The following NRG1 variants were observed in gnomAD, a reference collection of about 807,000 sequenced individuals.
The protein encoded by NRG1 is neuregulin 1.
In NRG1, 18 loss-of-function variants were observed where a neutral mutation model predicts 63.8. That is an observed-to-expected ratio of 0.28 (90% CI 0.19 to 0.42). NRG1 has a LOEUF of 0.42. Ranked by LOEUF, NRG1 falls within the 10% of genes least tolerant of loss-of-function variation. The pLI, the probability that NRG1 is intolerant of heterozygous loss-of-function variation, is 1.00. For synonymous variants in NRG1, 302 were observed against 301.3 expected, an observed-to-expected ratio of 1.00 and a Z score of -0.02; for missense variants, 762 against 814.7, an observed-to-expected ratio of 0.94 and a Z score of 0.79.
intron 11 of NRG1, chr8:32,763,356 G>A: frequency 4.3e-6 from 7 of 1,613,730 alleles, no homozygotes; most frequent in Non-Finnish European, 5.9e-6. Context: ...TGGCCTTTAG[G>A]AAGGTATAGT....
chr8:32,250,477 T>C (rs894641598), intron 1 of NRG1, among the ~76,000 whole-genome samples: 5 of 152,186 alleles, frequency 3.3e-5, no homozygotes, highest in African/African-American at 1.2e-4. Flanking sequence ...AATAGTTTAA[T>C]GATTTTCATA....
chr8:32,709,814 A>G (rs1037627754), intron 5 of NRG1, among the ~76,000 whole-genome samples: 1 of 152,196 alleles, frequency 6.6e-6, no homozygotes, highest in Non-Finnish European at 1.5e-5. Flanking sequence ...AAGGCTTGGC[A>G]TAGTCAATTG....
At chr8:32,398,189 T>C (rs188510040) in intron 1 of NRG1, among the ~76,000 whole-genome samples, 1,755 of 140,674 alleles carry the variant, frequency 0.012, 20 homozygotes, top group Non-Finnish European at 0.02. Context: ...GGAGTAAAAT[T>C]ATAATCTCCA....
At chr8:32,582,219 TC>T (rs1182852770) in intron 1 of NRG1, among the ~76,000 whole-genome samples, 5 of 152,084 alleles carry the variant, frequency 3.3e-5, no homozygotes, top group African/African-American at 1.2e-4. Flanking sequence ...CATCTCAGCC[TC>T]CGGAGTAGCT....
intron 1 of NRG1, among the ~76,000 whole-genome samples, chr8:32,322,854 TTC>T (rs1482250514): frequency 1.0e-5 from 1 of 100,308 alleles, no homozygotes; most frequent in Non-Finnish European, 2.1e-5. Context: ...ATAATAGCAA[TTC>T]TCTGGGTTTT....
intron 1 of NRG1, among the ~76,000 whole-genome samples, chr8:31,857,340 A>T (rs1669322132): frequency 6.6e-6 from 1 of 152,204 alleles, no homozygotes; most frequent in African/African-American, 2.4e-5. Flanking sequence ...GCCGGTTGGA[A>T]AAGCGCAGTA....
chr8:32,624,832 C>T (rs1432371535), intron 5 of NRG1, among the ~76,000 whole-genome samples: 1 of 152,050 alleles, frequency 6.6e-6, no homozygotes, highest in Non-Finnish European at 1.5e-5. Flanking sequence ...AGTCAGAGTA[C>T]TTGATATGGA....
At chr8:32,700,497 A>C (rs1286644721) in intron 5 of NRG1, among the ~76,000 whole-genome samples, 1 of 152,216 alleles carries the variant, frequency 6.6e-6, no homozygotes, top group South Asian at 2.1e-4. Flanking sequence ...CATACATAGA[A>C]TTTAGATAAG....
intron 7 of NRG1, among the ~76,000 whole-genome samples, chr8:32,746,867 C>CTTTTTTTT (rs376346951): frequency 3.1e-5 from 4 of 127,330 alleles, no homozygotes; most frequent in African/African-American, 8.6e-5. Flanking sequence ...GTGTATTCTG[C>CTTTTTTTT]TTTTTTTTTT....
At chr8:32,476,498 C>G (rs1824537797) in intron 1 of NRG1, among the ~76,000 whole-genome samples, 1 of 152,124 alleles carries the variant, frequency 6.6e-6, no homozygotes. Context: ...CTCATGATGA[C>G]AATGGAGAAA....
chr8:32,286,832 A>C (rs909620701), intron 1 of NRG1, among the ~76,000 whole-genome samples: 1 of 152,108 alleles, frequency 6.6e-6, no homozygotes, highest in Non-Finnish European at 1.5e-5. Flanking sequence ...CCCTGTCTGT[A>C]CTAAAAATAC....
chr8:32,073,187 T>TC (rs1826001107), intron 1 of NRG1, among the ~76,000 whole-genome samples: 1 of 152,192 alleles, frequency 6.6e-6, no homozygotes, highest in South Asian at 2.1e-4. Context: ...TCCGCGTCAT[T>TC]CACTATCTTG....
At chr8:31,953,972 A>G (rs1490225873) in intron 1 of NRG1, among the ~76,000 whole-genome samples, 1 of 152,224 alleles carries the variant, frequency 6.6e-6, no homozygotes, top group Non-Finnish European at 1.5e-5. Context: ...TTCCTCTATA[A>G]AATCTGGCCA....
intron 1 of NRG1, among the ~76,000 whole-genome samples, chr8:31,997,620 T>C (rs1812225092): frequency 6.6e-6 from 1 of 151,970 alleles, no homozygotes; most frequent in Admixed American, 6.6e-5. Flanking sequence ...CCAAAGTGAG[T>C]GTCAGTGCCA....
At chr8:32,061,736 A>G (rs1346804023) in intron 1 of NRG1, 1 of 152,038 alleles carries the variant, frequency 6.6e-6, no homozygotes, top group Non-Finnish European at 1.5e-5. Context: ...CAACAAGGCT[A>G]GTGAAGGAAG....
At chr8:32,096,139 G>A (rs1485512633) in intron 1 of NRG1, among the ~76,000 whole-genome samples, 1 of 152,200 alleles carries the variant, frequency 6.6e-6, no homozygotes, top group Non-Finnish European at 1.5e-5. Context: ...AGTGAAAGGA[G>A]TTTGCATTGT....
At chr8:32,650,714 A>G (rs1854914315) in intron 5 of NRG1, among the ~76,000 whole-genome samples, 1 of 151,160 alleles carries the variant, frequency 6.6e-6, no homozygotes, top group African/African-American at 2.4e-5. Context: ...TCAACTAAGA[A>G]AGTATTGTTT....
At chr8:31,944,837 A>T (rs1802297010) in intron 1 of NRG1, among the ~76,000 whole-genome samples, 1 of 151,906 alleles carries the variant, frequency 6.6e-6, no homozygotes, top group Non-Finnish European at 1.5e-5. Context: ...TCTGTAGGGA[A>T]CCAGCTGTAT....
chr8:31,685,732 G>T (rs1027591970), intron 1 of NRG1, among the ~76,000 whole-genome samples: 1 of 152,098 alleles, frequency 6.6e-6, no homozygotes, highest in Admixed American at 6.6e-5. Flanking sequence ...TCATTCTGGA[G>T]ATTACATAGA....
Sources: allele counts gnomAD v4.1 joint callset (sites outside exome capture counted in the v4.1 genomes callset), GRCh38; gene constraint gnomAD v4.1.1; transcripts MANE v1.5; gene names NCBI Gene and HGNC (gene_info 2026-07-23, HGNC 2026-07-21).